Variants in SND1 observed in about 807,000 individuals in gnomAD.
The protein encoded by SND1 is staphylococcal nuclease and tudor domain containing 1.
SND1 carries 38 observed loss-of-function variants against 121.7 expected under a neutral mutation model. That is an observed-to-expected ratio of 0.31 (90% CI 0.24 to 0.41). SND1 has a LOEUF of 0.41. SND1 is among the 10% of genes least tolerant of loss of function. The pLI, the probability that SND1 is intolerant of heterozygous loss-of-function variation, is 1.00. For synonymous variants in SND1, 401 were observed against 447.4 expected, an observed-to-expected ratio of 0.90 and a Z score of 1.31; for missense variants, 868 against 1,184.6, an observed-to-expected ratio of 0.73 and a Z score of 3.92.
rs117127420 is a variant in SND1, at chr7:127,969,003, G to A, written c.1670-21944G>A. On this transcript the variant is annotated intron_variant, in intron 15 of 23. Transcript: ENST00000354725. ...TCTTTACGACTCAACTCCATCCAGA[G>A]TTGCCTCCTGCACGTCCTTCTCTAC... 1.7e-3 allele frequency among the ~76,000 whole-genome samples: 263 copies of A among 152,278 alleles called. 2 individuals carry two copies. The East Asian group carries it at 0.035, about 20-fold the overall frequency.
At chr7:127,926,874 A>G (rs1800855586) in intron 14 of SND1, among the ~76,000 whole-genome samples, 1 of 152,002 alleles carries the variant, frequency 6.6e-6, no homozygotes. Flanking sequence ...TACAGGCATG[A>G]GCCACCACGC....
intron 4 of SND1, among the ~76,000 whole-genome samples, chr7:127,700,269 C>T (rs1427386307): frequency 6.6e-6 from 1 of 152,216 alleles, no homozygotes; most frequent in Non-Finnish European, 1.5e-5. Context: ...GGTTCAATCT[C>T]TTACACTACA....
In SND1 at chr7:127,771,083, A is replaced by T. The variant is rs188949694; in HGVS notation, c.1153-36401A>T. ...TGTAGCATCTTTTCCAGGCACCAGGATGACATCTGGACTCAGTATTTTCGT... is the reference window on the plus strand; with the variant it reads ...TGTAGCATCTTTTCCAGGCACCAGGTTGACATCTGGACTCAGTATTTTCGT... On this transcript the variant is annotated intron_variant, in intron 10 of 23. Coordinates refer to ENST00000354725, the MANE Select transcript of SND1 (RefSeq NM_014390.4). Among the ~76,000 whole-genome samples, 10 of 152,324 alleles carry T rather than the reference A, an allele frequency of 6.6e-5. No homozygotes were observed. The East Asian group carries it at 1.9e-3, about 29-fold the overall frequency.
At chr7:127,971,746 C>T (rs1379570835) in intron 15 of SND1, among the ~76,000 whole-genome samples, 5 of 151,148 alleles carry the variant, frequency 3.3e-5, no homozygotes, top group Non-Finnish European at 7.4e-5. Context: ...GTACACAAGT[C>T]GTAAGTATAC....
chr7:127,821,647 T>A (rs1394121408), intron 11 of SND1, among the ~76,000 whole-genome samples: 2 of 152,286 alleles, frequency 1.3e-5, no homozygotes, highest in African/African-American at 2.4e-5. Context: ...ATATAATTTT[T>A]AAAAAATTTT....
intron 10 of SND1, among the ~76,000 whole-genome samples, chr7:127,773,286 T>C (rs1797550095): frequency 6.6e-6 from 1 of 152,078 alleles, no homozygotes; most frequent in East Asian, 1.9e-4. Flanking sequence ...ACCCTGTCTC[T>C]ACTAAAATGC....
chr7:127,881,230 C>T (rs913640725), intron 12 of SND1, among the ~76,000 whole-genome samples: 1 of 152,132 alleles, frequency 6.6e-6, no homozygotes, highest in African/African-American at 2.4e-5. Flanking sequence ...TTCCCCATCT[C>T]ACCCCTCCCC....
chr7:127,828,155 C>A (rs1021229074), intron 11 of SND1, among the ~76,000 whole-genome samples: 1 of 152,000 alleles, frequency 6.6e-6, no homozygotes, highest in Non-Finnish European at 1.5e-5. Context: ...CACCACCATG[C>A]CCGGCTAATT....
chr7:127,858,091 TCC>T (rs1799314903), intron 12 of SND1: 1 of 960,446 alleles, frequency 1.0e-6, no homozygotes, highest in South Asian at 1.3e-5. Flanking sequence ...GGTTGGGGTC[TCC>T]AGTTCCCCCT....
chr7:127,857,683 G>A (rs1057162996), intron 12 of SND1, among the ~76,000 whole-genome samples: 5 of 151,948 alleles, frequency 3.3e-5, no homozygotes, highest in South Asian at 4.2e-4. Context: ...AGGTTCCCTC[G>A]CTTCTGGCCA....
intron 10 of SND1, among the ~76,000 whole-genome samples, chr7:127,773,915 A>G (rs1356553380): frequency 3.3e-5 from 5 of 152,190 alleles, no homozygotes; most frequent in Non-Finnish European, 7.3e-5. Flanking sequence ...AGCCTTTGTA[A>G]CATCATAGCA....
chr7:128,035,449 G>A (rs768975973), intron 16 of SND1, among the ~76,000 whole-genome samples: 4 of 152,204 alleles, frequency 2.6e-5, no homozygotes, highest in African/African-American at 4.8e-5. Context: ...AAGACACATA[G>A]ATCACAGAAT....
intron 10 of SND1, among the ~76,000 whole-genome samples, chr7:127,721,610 G>A (rs572757612): frequency 1.4e-4 from 22 of 152,282 alleles, no homozygotes; most frequent in East Asian, 9.6e-4. Context: ...CTGCTCTGCC[G>A]AATTTCACGT....
At position 128,092,071 on chromosome 7, in the gene SND1, G is replaced by A. The variant is rs1793790853; in HGVS notation, c.*13G>A. The A allele has an allele frequency of 1.2e-6, 2 of 1,613,910 alleles. No homozygotes were observed. Among genetic ancestry groups the A allele is most frequent in the Non-Finnish European group, 1.7e-6 (2 of 1,179,808 alleles). On this transcript the variant is annotated 3_prime_UTR_variant, in exon 24 of 24. Transcript: ENST00000354725. This position sits in a 1 kb window ranked among gnomAD's most constrained non-coding sequence, Gnocchi z 4.9. Reference sequence around the variant, plus strand: ...CTACAGCCGCTAAGGAGGGGATCGGGTTTGGCCCCCAGCCCCGCTCACGCC... The same window carrying A: ...CTACAGCCGCTAAGGAGGGGATCGGATTTGGCCCCCAGCCCCGCTCACGCC...
At chr7:128,057,072 C>T (rs979519159) in intron 16 of SND1, among the ~76,000 whole-genome samples, 12 of 152,124 alleles carry the variant, frequency 7.9e-5, no homozygotes, top group Non-Finnish European at 2.9e-5. Flanking sequence ...GGTTTCATCA[C>T]GCTACTCAGA....
chr7:127,998,699 C>T (rs1802738894), intron 16 of SND1: 1 of 152,238 alleles, frequency 6.6e-6, no homozygotes, highest in Non-Finnish European at 1.5e-5. Context: ...AAATCCCATT[C>T]CAGCCCCTAA....
intron 10 of SND1, among the ~76,000 whole-genome samples, chr7:127,748,418 A>G (rs1437802042): frequency 6.6e-6 from 1 of 152,204 alleles, no homozygotes; most frequent in Non-Finnish European, 1.5e-5. Context: ...TGTGTGTCTG[A>G]ATTGGTAGTC....
At chr7:127,900,193 A>C (rs1375834726) in intron 13 of SND1, among the ~76,000 whole-genome samples, 1 of 152,204 alleles carries the variant, frequency 6.6e-6, no homozygotes, top group Non-Finnish European at 1.5e-5. Context: ...GACGTGCACT[A>C]TGTCCCCAGG....
intron 12 of SND1, among the ~76,000 whole-genome samples, chr7:127,848,961 G>C (rs546119777): frequency 6.6e-6 from 1 of 152,218 alleles, no homozygotes; most frequent in Admixed American, 6.5e-5. Flanking sequence ...TGAAAACAAG[G>C]TTCATCATTC....
Sources: gnomAD v4.1 joint callset for allele counts (sites outside exome capture counted in the v4.1 genomes callset) on GRCh38, gnomAD v4.1.1 for gene constraint, Gnocchi (gnomAD v3.1) non-coding constraint, MANE v1.5 for transcripts, NCBI Gene and HGNC (gene_info 2026-07-23, HGNC 2026-07-21) for gene names.